AKAP13: variants seen among roughly 807,000 people sequenced by gnomAD.
The protein encoded by AKAP13 is A-kinase anchor protein 13.
AKAP13 carries 80 observed loss-of-function variants against 264.5 expected under a neutral mutation model. That is an observed-to-expected ratio of 0.30 (90% CI 0.25 to 0.36). AKAP13 has a LOEUF of 0.36. AKAP13 is among the 10% of genes least tolerant of loss of function. AKAP13 has a pLI of 1.00. For synonymous variants in AKAP13, 1,380 were observed against 1,250.2 expected (o/e 1.10, Z -2.19); for missense variants, 3,712 against 3,435.2 (o/e 1.08, Z -2.01).
At chr15:85,523,362 A>G (rs923913623) in intron 3 of AKAP13, among the ~76,000 whole-genome samples, 20 of 152,044 alleles carry the variant, frequency 1.3e-4, no homozygotes, top group Non-Finnish European at 1.2e-4. Flanking sequence ...CATGGGGTAA[A>G]TTCTTTAGCC....
intron 20 of AKAP13, among the ~76,000 whole-genome samples, chr15:85,716,245 T>G (rs965537445): frequency 6.6e-6 from 1 of 152,178 alleles, no homozygotes; most frequent in Non-Finnish European, 1.5e-5. Flanking sequence ...AAAGGGTGAT[T>G]TAATTCAGAA....
chr15:85,674,413 C>A (rs34734963), intron 14 of AKAP13, among the ~76,000 whole-genome samples: 1 of 152,070 alleles, frequency 6.6e-6, no homozygotes, highest in Non-Finnish European at 1.5e-5. Flanking sequence ...CCCAAGATGT[C>A]TCATCATATA....
intron 8 of AKAP13, among the ~76,000 whole-genome samples, chr15:85,613,691 A>AAATATAT (rs1313187436): frequency 1.1e-5 from 1 of 91,968 alleles, no homozygotes; most frequent in Non-Finnish European, 2.2e-5. Context: ...AAAAAAAAAA[A>AAATATAT]ATATATATAT....
intron 3 of AKAP13, among the ~76,000 whole-genome samples, chr15:85,522,926 A>ACCCT (rs2076877546): frequency 9.1e-6 from 1 of 110,172 alleles, no homozygotes; most frequent in Non-Finnish European, 1.8e-5. Flanking sequence ...ACCCCCACCC[A>ACCCT]CACCCCCTCC....
At chr15:85,605,560 A>G (rs2080286506) in intron 8 of AKAP13, among the ~76,000 whole-genome samples, 1 of 152,192 alleles carries the variant, frequency 6.6e-6, no homozygotes, top group South Asian at 2.1e-4. Context: ...TGATAGGTGC[A>G]GCAAACAAAC....
chr15:85,419,778 G>A (rs1010785238), intron 1 of AKAP13, among the ~76,000 whole-genome samples: 2 of 152,064 alleles, frequency 1.3e-5, no homozygotes, highest in Admixed American at 1.3e-4. Flanking sequence ...GTTGATAAAT[G>A]TCAATATCTA....
Position 85,406,703 on chromosome 15 carries a change from C to G in AKAP13, c.-12+25905C>G, listed in dbSNP as rs1010371422. Among the ~76,000 whole-genome samples the G allele has an allele frequency of 3.8e-4, 58 of 151,728 alleles. 4 individuals carry two copies. The highest frequency in any genetic ancestry group is 1.4e-3 in the African/African-American group (56 of 41,058). ...TTATTTGTGTTACTGTTTTAGGAGACATGAATTGGCTAATAAGTTGTTTGC... is the reference window on the plus strand; with the variant it reads ...TTATTTGTGTTACTGTTTTAGGAGAGATGAATTGGCTAATAAGTTGTTTGC... On this transcript the variant is annotated intron_variant, in intron 1 of 36. Transcript: ENST00000394518.
At chr15:85,563,672 C>T (rs187277102) in intron 5 of AKAP13, among the ~76,000 whole-genome samples, 154 of 152,264 alleles carry the variant, frequency 1.0e-3, no homozygotes, top group Non-Finnish European at 1.7e-3. Flanking sequence ...AGGGGGAGAG[C>T]ACAGGCTTTG....
intron 1 of AKAP13, among the ~76,000 whole-genome samples, chr15:85,396,644 T>C (rs1021186657): frequency 6.6e-6 from 1 of 152,224 alleles, no homozygotes; most frequent in Non-Finnish European, 1.5e-5. Context: ...TGTATAATAC[T>C]GTAAACCATG....
At chr15:85,682,801 G>A (rs2151606126) in intron 15 of AKAP13, among the ~76,000 whole-genome samples, 1 of 152,230 alleles carries the variant, frequency 6.6e-6, no homozygotes, top group South Asian at 2.1e-4. Flanking sequence ...CTGAGTGGCT[G>A]GGATGACAGG....
intron 1 of AKAP13, among the ~76,000 whole-genome samples, chr15:85,399,527 A>AAAAAAAAAAAAAAAAAAAT (rs1567038675): frequency 8.7e-6 from 1 of 114,740 alleles, no homozygotes; most frequent in Non-Finnish European, 1.8e-5. Context: ...AAAAAATAAA[A>AAAAAAAAAAAAAAAAAAAT]AAATAAAAAA....
At chr15:85,452,248 T>G (rs2150980963) in intron 1 of AKAP13, among the ~76,000 whole-genome samples, 1 of 152,128 alleles carries the variant, frequency 6.6e-6, no homozygotes, top group African/African-American at 2.4e-5. Context: ...TACTGGTTAT[T>G]TCATCCTTCA....
chr15:85,461,946 C>T (rs962660275), intron 1 of AKAP13, among the ~76,000 whole-genome samples: 3 of 152,094 alleles, frequency 2.0e-5, no homozygotes, highest in African/African-American at 7.2e-5. Context: ...TTACTGATTT[C>T]GTCTATTTGT....
At chr15:85,643,263 A>G (rs2082395160) in intron 9 of AKAP13, among the ~76,000 whole-genome samples, 1 of 151,842 alleles carries the variant, frequency 6.6e-6, no homozygotes, top group South Asian at 2.1e-4. Context: ...GCTACAAGAC[A>G]GTAAACTGCT....
intron 8 of AKAP13, among the ~76,000 whole-genome samples, chr15:85,593,680 C>G (rs1381565956): frequency 2.0e-5 from 3 of 152,076 alleles, no homozygotes; most frequent in Non-Finnish European, 4.4e-5. Flanking sequence ...ACTGCTGAAT[C>G]ATAGGTCATA....
At chr15:85,653,826 TAA>T (rs2082978363) in intron 10 of AKAP13, among the ~76,000 whole-genome samples, 1 of 152,196 alleles carries the variant, frequency 6.6e-6, no homozygotes, top group Non-Finnish European at 1.5e-5. Context: ...GTCCACATCT[TAA>T]GAGTATGATC....
chr15:85,449,104 A>G (rs1032156255), intron 1 of AKAP13, among the ~76,000 whole-genome samples: 17 of 152,064 alleles, frequency 1.1e-4, no homozygotes, highest in South Asian at 2.1e-4. Flanking sequence ...TTCTTCTTGT[A>G]TAGATCTTTC....
At chr15:85,604,689 C>T (rs575730630) in intron 8 of AKAP13, among the ~76,000 whole-genome samples, 1 of 152,168 alleles carries the variant, frequency 6.6e-6, no homozygotes, top group South Asian at 2.1e-4. Flanking sequence ...TTCTTGAACT[C>T]CTGACCTCAG....
intron 1 of AKAP13, among the ~76,000 whole-genome samples, chr15:85,467,044 C>T (rs191605681): frequency 4.6e-5 from 7 of 150,958 alleles, no homozygotes; most frequent in Admixed American, 4.6e-4. Context: ...ACCTTCTCTG[C>T]ATTGGATACT....
Sources: allele counts gnomAD v4.1 joint callset (sites outside exome capture counted in the v4.1 genomes callset), GRCh38; gene constraint gnomAD v4.1.1; transcripts MANE v1.5; gene names NCBI Gene and HGNC (gene_info 2026-07-23, HGNC 2026-07-21).